DSCAM: variants seen among roughly 807,000 people sequenced by gnomAD.
DSCAM encodes the protein cell adhesion molecule DSCAM.
DSCAM carries 47 observed loss-of-function variants against 217.7 expected under a neutral mutation model. That is an observed-to-expected ratio of 0.22 (90% confidence interval 0.17 to 0.28). DSCAM has a LOEUF of 0.28. DSCAM is among the 10% of genes least tolerant of loss of function. The pLI, the probability that DSCAM is intolerant of heterozygous loss-of-function variation, is 1.00. For synonymous variants in DSCAM, 1,056 were observed against 1,015.3 expected (o/e 1.04, Z -0.76); for missense variants, 2,080 against 2,618.3 (o/e 0.79, Z 4.49).
At chr21:40,072,705 A>T (rs2089314116) in intron 27 of DSCAM, among the ~76,000 whole-genome samples, 1 of 152,136 alleles carries the variant, frequency 6.6e-6, no homozygotes, top group African/African-American at 2.4e-5. Context: ...CAAAATGCCG[A>T]ACTGCAGATA....
intron 3 of DSCAM, among the ~76,000 whole-genome samples, chr21:40,457,475 G>A (rs1404782712): frequency 6.6e-6 from 1 of 151,912 alleles, no homozygotes; most frequent in African/African-American, 2.4e-5. Flanking sequence ...TTGCACCACG[G>A]CACCCCAGCC....
chr21:40,363,196 A>C (rs979770687), intron 4 of DSCAM, among the ~76,000 whole-genome samples: 4 of 151,872 alleles, frequency 2.6e-5, no homozygotes, highest in African/African-American at 4.8e-5. Context: ...TTCTCAGTGG[A>C]AAGACTGAAA....
chr21:40,376,589 T>TATATCG (rs1555911109), intron 3 of DSCAM, among the ~76,000 whole-genome samples: 4 of 14,070 alleles, frequency 2.8e-4, no homozygotes, highest in South Asian at 2.6e-3. Flanking sequence ...CTATATATCT[T>TATATCG]ATATCGATAT....
chr21:40,042,233 A>T, intron 32 of DSCAM, 138 bp downstream of exon 32: 1 of 877,730 alleles, frequency 1.1e-6, no homozygotes, highest in Non-Finnish European at 1.7e-6. Flanking sequence ...GAACTTTGGG[A>T]TGGTTTGTTA....
At chr21:40,484,427 A>G (rs2076007976) in intron 3 of DSCAM, among the ~76,000 whole-genome samples, 3 of 152,236 alleles carry the variant, frequency 2.0e-5, no homozygotes. Flanking sequence ...TCCTGTTCTC[A>G]GTGCTGCAAA....
chr21:40,806,879 A>G (rs1012070513), intron 1 of DSCAM, among the ~76,000 whole-genome samples: 7 of 152,086 alleles, frequency 4.6e-5, no homozygotes, highest in Admixed American at 2.0e-4. Flanking sequence ...CAAACACCAC[A>G]TATTCTCACT....
chr21:40,017,043 G>A (rs567053087), intron 32 of DSCAM, among the ~76,000 whole-genome samples: 8 of 150,812 alleles, frequency 5.3e-5, no homozygotes, highest in Non-Finnish European at 7.4e-5. Context: ...TTGAACCTGC[G>A]CATTGGAGGT....
chr21:40,228,308 T>G (rs2091351665), intron 11 of DSCAM, among the ~76,000 whole-genome samples: 1 of 151,978 alleles, frequency 6.6e-6, no homozygotes, highest in East Asian at 1.9e-4. Flanking sequence ...ACATAAGGAG[T>G]GAGAGTTATG....
intron 3 of DSCAM, among the ~76,000 whole-genome samples, chr21:40,667,901 C>T (rs964840509): frequency 6.6e-6 from 1 of 152,154 alleles, no homozygotes; most frequent in South Asian, 2.1e-4. Flanking sequence ...TGGACTAATA[C>T]ACCTCTCCAC....
intron 32 of DSCAM, among the ~76,000 whole-genome samples, chr21:40,032,046 C>T (rs1036282452): frequency 5.3e-5 from 8 of 152,178 alleles, no homozygotes; most frequent in South Asian, 2.1e-4. Context: ...GGAATTCTCT[C>T]ATTTCCAGCC....
In DSCAM at chr21:40,578,822, C is replaced by G. The variant is rs528829610; in HGVS notation, c.508+113988G>C. Among the ~76,000 whole-genome samples the G allele has an allele frequency of 3.9e-5, 6 of 152,172 alleles. No homozygotes were observed. In the South Asian group the frequency reaches 1.0e-3, roughly 26 times the overall value. ...TGTTGGTCAGTTTTAGAATCCATCCCTGGGAATGGGGATACATAAAATGTG... is the reference window on the plus strand; with the variant it reads ...TGTTGGTCAGTTTTAGAATCCATCCGTGGGAATGGGGATACATAAAATGTG... On this transcript the variant is annotated intron_variant, in intron 3 of 32. Transcript: ENST00000400454.
intron 11 of DSCAM, among the ~76,000 whole-genome samples, chr21:40,248,509 A>G (rs537385857): frequency 6.6e-6 from 1 of 152,312 alleles, no homozygotes; most frequent in East Asian, 1.9e-4. Flanking sequence ...CTAAAATATT[A>G]TAAGTGTCAC....
At chr21:40,842,068 G>A (rs931496104) in intron 1 of DSCAM, among the ~76,000 whole-genome samples, 1 of 152,202 alleles carries the variant, frequency 6.6e-6, no homozygotes, top group Admixed American at 6.5e-5. Flanking sequence ...GTCCTCCCTC[G>A]GTGGCGGCTG....
At chr21:40,605,739 G>A (rs2089226416) in intron 3 of DSCAM, among the ~76,000 whole-genome samples, 2 of 148,116 alleles carry the variant, frequency 1.4e-5, no homozygotes, top group South Asian at 4.3e-4. Flanking sequence ...AAGGTGAATG[G>A]GTTTTAAACA....
chr21:40,734,824 C>T (rs1201363923), intron 1 of DSCAM, among the ~76,000 whole-genome samples: 1 of 152,184 alleles, frequency 6.6e-6, no homozygotes, highest in Non-Finnish European at 1.5e-5. Context: ...TTAATACGTG[C>T]AGTCTCTACC....
chr21:40,657,415 C>T (rs1300632495), intron 3 of DSCAM, among the ~76,000 whole-genome samples: 2 of 152,112 alleles, frequency 1.3e-5, no homozygotes, highest in African/African-American at 2.4e-5. Context: ...AACCAGGGTA[C>T]GACTCCTTTT....
chr21:40,401,397 A>AC (rs1555913714), intron 3 of DSCAM, among the ~76,000 whole-genome samples: 4 of 151,502 alleles, frequency 2.6e-5, no homozygotes, highest in Non-Finnish European at 4.4e-5. Context: ...ATAAAATTGG[A>AC]TTTTTTTTTC....
At chr21:40,602,519 A>T (rs1430731714) in intron 3 of DSCAM, among the ~76,000 whole-genome samples, 1 of 152,190 alleles carries the variant, frequency 6.6e-6, no homozygotes, top group African/African-American at 2.4e-5. Flanking sequence ...AGGCCCATTC[A>T]GAATATCTGT....
At chr21:40,220,538 T>C (rs2091280917) in intron 11 of DSCAM, among the ~76,000 whole-genome samples, 1 of 152,234 alleles carries the variant, frequency 6.6e-6, no homozygotes, top group Non-Finnish European at 1.5e-5. Flanking sequence ...AAAATGGTTT[T>C]CCTCCATGGT....
Sources: gnomAD v4.1 joint callset for allele counts (sites outside exome capture counted in the v4.1 genomes callset) on GRCh38, gnomAD v4.1.1 for gene constraint, MANE v1.5 for transcripts, NCBI Gene and HGNC (gene_info 2026-07-23, HGNC 2026-07-21) for gene names.